ST6GALNAC5: variants seen among roughly 807,000 people sequenced by gnomAD.
The protein encoded by ST6GALNAC5 is alpha-N-acetylgalactosaminide alpha-2,6-sialyltransferase 5.
In ST6GALNAC5, 27 loss-of-function variants were observed where a neutral mutation model predicts 33.6. That is an observed-to-expected ratio of 0.80 (90% CI 0.59 to 1.11). The LOEUF (loss-of-function observed/expected upper bound fraction) is 1.11, where lower values mean the gene tolerates loss of function less well. ST6GALNAC5 is among the 50% of genes least tolerant of loss of function. The pLI is 0.00. For synonymous variants in ST6GALNAC5, 194 were observed against 171.2 expected (o/e 1.13, Z -1.04); for missense variants, 428 against 454.0 (o/e 0.94, Z 0.52).
chr1:76,896,063 A>C (rs180927441), intron 2 of ST6GALNAC5, among the ~76,000 whole-genome samples: 55 of 152,306 alleles, frequency 3.6e-4, no homozygotes, highest in Admixed American at 5.9e-4. Flanking sequence ...CTTTCACTGA[A>C]TACTAAGAGC....
chr1:76,900,888 A>C (rs1197608908), intron 2 of ST6GALNAC5, among the ~76,000 whole-genome samples: 1 of 152,222 alleles, frequency 6.6e-6, no homozygotes, highest in Non-Finnish European at 1.5e-5. Context: ...TATTCAGATA[A>C]GGAATTGTGA....
intron 2 of ST6GALNAC5, among the ~76,000 whole-genome samples, chr1:76,933,227 G>A (rs1047723494): frequency 2.4e-4 from 36 of 151,978 alleles, no homozygotes; most frequent in Admixed American, 3.9e-4. Flanking sequence ...GTGGAGCTCT[G>A]GCAATAGTTA....
intron 2 of ST6GALNAC5, among the ~76,000 whole-genome samples, chr1:76,948,943 G>A (rs1288670737): frequency 6.6e-6 from 1 of 152,078 alleles, no homozygotes. Context: ...CCAATATTTT[G>A]GATGTCTCCC....
At chr1:76,880,104 CACTGA>C (rs1159332301) in intron 2 of ST6GALNAC5, among the ~76,000 whole-genome samples, 1 of 152,152 alleles carries the variant, frequency 6.6e-6, no homozygotes, top group Non-Finnish European at 1.5e-5. Context: ...TCACTTTGTC[CACTGA>C]ACTTAGGACC....
In ST6GALNAC5 at chr1:76,970,012, CA is replaced by C. The variant is rs199958621; in HGVS notation, c.262-74186del. ...ATAGCATCAACATCAACAAAAAGGA[CA>C]AAAAAGGACATCCACACCAAAACCC... is the stretch of plus-strand genomic sequence containing the variant. On this transcript the variant is annotated intron_variant, in intron 2 of 4. Coordinates refer to ENST00000477717, the MANE Select transcript of ST6GALNAC5 (RefSeq NM_030965.3). 4.5e-3 allele frequency among the ~76,000 whole-genome samples: 681 copies of C among 151,992 alleles called. 9 individuals carry two copies. Among genetic ancestry groups the C allele is most frequent in the African/African-American group, 0.015 (641 of 41,470 alleles).
At chr1:76,915,482 G>A (rs1377901088) in intron 2 of ST6GALNAC5, among the ~76,000 whole-genome samples, 3 of 152,076 alleles carry the variant, frequency 2.0e-5, no homozygotes, top group Non-Finnish European at 1.5e-5. Context: ...AGAAAATCTG[G>A]CATATATACA....
intron 2 of ST6GALNAC5, among the ~76,000 whole-genome samples, chr1:76,953,834 G>A (rs1235620775): frequency 6.6e-6 from 1 of 152,048 alleles, no homozygotes; most frequent in Non-Finnish European, 1.5e-5. Context: ...CATGTGGTGT[G>A]AGGTTTTAAA....
At position 77,044,392 on chromosome 1, in the gene ST6GALNAC5, G is replaced by T; in HGVS notation, c.450G>T (p.Gln150His). 1.2e-6 allele frequency: 2 copies of T among 1,613,624 alleles called. No homozygotes were observed. Among genetic ancestry groups the T allele is most frequent in the South Asian group, 2.2e-5 (2 of 91,072 alleles). The change falls in exon 3 of 5, where the codon CAG (glutamine) becomes CAT (histidine). Residue 150 changes from glutamine to histidine, a missense_variant. Transcript: ENST00000477717. ...GGGTCATCGCGCATTCCAGCATCCA[G>T]AGGATCCTCCGCAACCGCCATGACC... ...SLRVIAHSSI[Q>H]RILRNRHDLL... is the part of the protein sequence containing the mutation.
In ST6GALNAC5 at chr1:77,044,581, T is replaced by A. The variant is rs1458315169; in HGVS notation, c.639T>A (p.Asp213Glu). 4 of 1,575,158 alleles carry A rather than the reference T, an allele frequency of 2.5e-6. No homozygotes were observed. Among genetic ancestry groups the A allele is most frequent in the Non-Finnish European group, 3.5e-6 (4 of 1,157,978 alleles). ...CTCGCCACAAGATGCTGCAGTTTGA[T>A]GAGCTCTTCAAGCAGGAGACTGGCA... Reference protein sequence around the residue: ...MITRHKMLQFDELFKQETGKD... With the variant: ...MITRHKMLQFEELFKQETGKD... The change falls in exon 3 of 5, where the codon GAT becomes GAA. Residue 213 changes from aspartate to glutamate, a missense_variant. Transcript: ENST00000477717.
At chr1:77,054,232 T>C (rs1342445724) in intron 4 of ST6GALNAC5, among the ~76,000 whole-genome samples, 1 of 152,182 alleles carries the variant, frequency 6.6e-6, no homozygotes, top group Non-Finnish European at 1.5e-5. Context: ...ACTCTCTGCC[T>C]GTCAGCAGCA....
At chr1:77,029,623 A>G (rs932420723) in intron 2 of ST6GALNAC5, among the ~76,000 whole-genome samples, 8 of 152,250 alleles carry the variant, frequency 5.3e-5, no homozygotes, top group Non-Finnish European at 8.8e-5. Flanking sequence ...CTGTGACTCC[A>G]TACTGTGGAA....
chr1:76,986,745 A>G (rs1341267487), intron 2 of ST6GALNAC5, among the ~76,000 whole-genome samples: 1 of 152,216 alleles, frequency 6.6e-6, no homozygotes, highest in Non-Finnish European at 1.5e-5. Context: ...CACAATATCA[A>G]TGACTTGGAA....
At chr1:76,957,513 G>C (rs1209382446) in intron 2 of ST6GALNAC5, among the ~76,000 whole-genome samples, 1 of 152,110 alleles carries the variant, frequency 6.6e-6, no homozygotes, top group Non-Finnish European at 1.5e-5. Context: ...ATTAATTTTG[G>C]TGGATATTAT....
At chr1:76,913,198 G>A (rs1051525404) in intron 2 of ST6GALNAC5, among the ~76,000 whole-genome samples, 11 of 151,682 alleles carry the variant, frequency 7.3e-5, no homozygotes, top group Middle Eastern at 3.4e-3. Context: ...GGCTGGATAT[G>A]AAATTCTGGG....
intron 2 of ST6GALNAC5, among the ~76,000 whole-genome samples, chr1:77,022,000 G>A (rs551258086): frequency 1.2e-4 from 18 of 152,112 alleles, no homozygotes; most frequent in Admixed American, 2.0e-4. Flanking sequence ...TCTGTGCTGC[G>A]CCCCCCGTTT....
At chr1:76,924,411 T>A (rs982704252) in intron 2 of ST6GALNAC5, among the ~76,000 whole-genome samples, 1 of 152,168 alleles carries the variant, frequency 6.6e-6, no homozygotes, top group Non-Finnish European at 1.5e-5. Context: ...AACACACAAG[T>A]ATCTTCTGAG....
At chr1:76,907,831 T>G (rs1200701318) in intron 2 of ST6GALNAC5, among the ~76,000 whole-genome samples, 1 of 152,162 alleles carries the variant, frequency 6.6e-6, no homozygotes, top group African/African-American at 2.4e-5. Flanking sequence ...TAGCTCACTT[T>G]GGTTTTAGTC....
At chr1:76,919,744 C>A (rs904514677) in intron 2 of ST6GALNAC5, among the ~76,000 whole-genome samples, 73 of 152,204 alleles carry the variant, frequency 4.8e-4, no homozygotes, top group Middle Eastern at 3.4e-3. Context: ...GAAAAACAAA[C>A]AAACAAACAA....
At chr1:76,974,580 G>A (rs1648920709) in intron 2 of ST6GALNAC5, among the ~76,000 whole-genome samples, 5 of 151,378 alleles carry the variant, frequency 3.3e-5, no homozygotes, top group Admixed American at 3.3e-4. Context: ...GTACATTTTT[G>A]CATAGTTATT....
Sources: allele counts gnomAD v4.1 joint callset (sites outside exome capture counted in the v4.1 genomes callset), GRCh38; gene constraint gnomAD v4.1.1; transcripts MANE v1.5; gene names NCBI Gene and HGNC (gene_info 2026-07-23, HGNC 2026-07-21).